Variants in HIF3A observed in about 807,000 individuals in gnomAD.
The protein encoded by HIF3A is hypoxia inducible factor 3 subunit alpha, also known as hypoxia-inducible factor 3-alpha.
HIF3A carries 41 observed loss-of-function variants against 67.2 expected under a neutral mutation model. That is an observed-to-expected ratio of 0.61 (90% confidence interval 0.48 to 0.79). The LOEUF (loss-of-function observed/expected upper bound fraction) is 0.79. Among genes scored for constraint, HIF3A ranks in the 30% least tolerant of loss-of-function variants. HIF3A has a pLI of 0.00. For missense variants in HIF3A, 855 were observed against 898.0 expected (o/e 0.95, Z 0.61); for synonymous variants, 356 against 374.8 (o/e 0.95, Z 0.58).
intron 10 of HIF3A, among the ~76,000 whole-genome samples, chr19:46,324,967 C>CAT (rs1601325142): frequency 7.4e-6 from 1 of 135,066 alleles, no homozygotes; most frequent in African/African-American, 2.9e-5. Flanking sequence ...TACACATACA[C>CAT]ACACACACAC....
intron 1 of HIF3A, among the ~76,000 whole-genome samples, chr19:46,301,047 G>A (rs1232575395): frequency 6.6e-6 from 1 of 152,074 alleles, no homozygotes; most frequent in East Asian, 1.9e-4. Context: ...AAGACAAACA[G>A]GGCTGGAACA....
At position 46,312,167 on chromosome 19, in the gene HIF3A, A is replaced by G; in HGVS notation, c.777A>G (p.Ala259=). ...CACTCCGCCCCACCCCCAGGATTGC[A>G]GAAGTGGCTGGCTATAGTCCCGATG... ...MKFTYCDDRI[A]EVAGYSPDDL... is the part of the protein sequence containing the mutation. The change falls in exon 7 of 15, where the codon GCA becomes GCG. Residue 259 remains alanine (A), a synonymous_variant. Transcript: ENST00000377670. 1.2e-6 allele frequency: 2 copies of G among 1,613,934 alleles called. No individual in the cohort carries two copies. Among genetic ancestry groups the G allele is most frequent in the Non-Finnish European group, 1.7e-6 (2 of 1,179,902 alleles).
chr19:46,304,035 C>T lies in HIF3A; in HGVS notation c.164C>T (p.Ser55Phe). 1.3e-6 allele frequency: 2 copies of T among 1,589,696 alleles called. No homozygotes were observed. Among genetic ancestry groups the T allele is most frequent in the Non-Finnish European group, 1.7e-6 (2 of 1,168,886 alleles). ...RGVSAHLDKASIMRLTISYLR... is the reference protein window; with the variant it reads ...RGVSAHLDKAFIMRLTISYLR... ...GTCAGCGCCCACCTGGACAAGGCCT[C>T]TATCATGCGCCTCACCATCAGCTAC... The change falls in exon 2 of 15, where the codon TCT becomes TTT. Residue 55 changes from serine (S) to phenylalanine (F), a missense_variant. This residue lies in a region of HIF3A where 638 missense variants were observed against 660.5 expected (regional missense o/e 0.97). Coordinates refer to ENST00000377670, the MANE Select transcript of HIF3A (RefSeq NM_152795.4).
chr19:46,320,842 C>G (rs1188876435), intron 9 of HIF3A, among the ~76,000 whole-genome samples: 2 of 152,190 alleles, frequency 1.3e-5, no homozygotes, highest in Non-Finnish European at 2.9e-5. Flanking sequence ...CTCTTGCTGG[C>G]CTCTGCTCTA....
At chr19:46,311,732 A>C (rs1969441433) in intron 6 of HIF3A, among the ~76,000 whole-genome samples, 1 of 152,046 alleles carries the variant, frequency 6.6e-6, no homozygotes, top group South Asian at 2.1e-4. Flanking sequence ...GGCAGGGCAC[A>C]CACCTGTAGT....
Position 46,305,336 on chromosome 19 carries a change from G to A in HIF3A, c.309G>A (p.Glu103=), listed in dbSNP as rs376235617. The change falls in exon 3 of 15, where the codon GAG becomes GAA. Residue 103 remains glutamate, a synonymous_variant. Transcript: ENST00000377670. ...GCTTCGTCATGGTGCTCACCGCCGA[G>A]GGAGACATGGCTTACCTGTCGGAGA... ...LEGFVMVLTA[E]GDMAYLSENV... 1 of 1,614,118 alleles carries A rather than the reference G, an allele frequency of 6.2e-7. No homozygotes were observed. Among genetic ancestry groups the A allele is most frequent in the Non-Finnish European group, 8.5e-7 (1 of 1,180,030 alleles).
chr19:46,342,182 T>A lies in HIF3A; in HGVS notation c.*2560T>A, dbSNP rs2147345373. On this transcript the variant is annotated 3_prime_UTR_variant, in exon 15 of 15. Coordinates refer to ENST00000377670, the MANE Select transcript of HIF3A (RefSeq NM_152795.4). ...TCCGTAAGTTCCCTTGGCTCTAGAC[T>A]TCATCATTTCCAGCTCCTCCTCACT... 6.6e-6 allele frequency: 1 copy of A among 152,296 alleles called. No individual in the cohort carries two copies. The highest frequency in any genetic ancestry group is 2.1e-4 in the South Asian group (1 of 4,828). 9.4% of individuals were successfully genotyped at this position (152,296 alleles called of 1,614,324 possible).
At chr19:46,314,272 G>T (rs1323289156) in intron 8 of HIF3A, among the ~76,000 whole-genome samples, 2 of 146,456 alleles carry the variant, frequency 1.4e-5, no homozygotes, top group African/African-American at 4.9e-5. Context: ...CAGCACTTTG[G>T]GAAGCCAAGG....
intron 3 of HIF3A, among the ~76,000 whole-genome samples, chr19:46,307,882 C>T (rs897592505): frequency 6.6e-6 from 1 of 151,656 alleles, no homozygotes; most frequent in East Asian, 1.9e-4. Flanking sequence ...GTCATGATCG[C>T]GCCACTGCCC....
chr19:46,315,345 G>A (rs1353331200), intron 8 of HIF3A, among the ~76,000 whole-genome samples: 1 of 147,108 alleles, frequency 6.8e-6, no homozygotes, highest in African/African-American at 2.5e-5. Flanking sequence ...GGAATTACAG[G>A]CGTGAGCCAC....
chr19:46,342,543 T>C lies in HIF3A; in HGVS notation c.*2921T>C, dbSNP rs1971968304. On this transcript the variant is annotated 3_prime_UTR_variant, in exon 15 of 15. Coordinates refer to ENST00000377670, the MANE Select transcript of HIF3A (RefSeq NM_152795.4). Reference sequence around the variant, plus strand: ...GAGCCACTGAGCCCAGCCAGGCTTTTTCTAATTCTATGCTTTATTCTATAA... The same window carrying C: ...GAGCCACTGAGCCCAGCCAGGCTTTCTCTAATTCTATGCTTTATTCTATAA... 1 of 152,192 alleles carries C rather than the reference T, an allele frequency of 6.6e-6. No homozygotes were observed. Among genetic ancestry groups the C allele is most frequent in the African/African-American group, 2.4e-5 (1 of 41,454 alleles). The allele number at this position is 152,192 out of a possible 1,614,324, so 9.4% of individuals were successfully genotyped here. A position where few individuals can be genotyped will look rare whatever the true frequency, so the allele number is the denominator to read the frequency against.
intron 8 of HIF3A, among the ~76,000 whole-genome samples, chr19:46,318,518 C>T (rs1219847974): frequency 2.5e-4 from 32 of 126,980 alleles, no homozygotes; most frequent in African/African-American, 9.5e-4. Context: ...CACTGCACTC[C>T]AGCCTGAGCG....
chr19:46,327,504 A>C (rs1173013809), intron 11 of HIF3A, among the ~76,000 whole-genome samples: 3 of 151,906 alleles, frequency 2.0e-5, no homozygotes, highest in Non-Finnish European at 4.4e-5. Context: ...TTTAGTAGAG[A>C]TGTGGTTTCA....
chr19:46,320,712 A>G, intron 9 of HIF3A, 151 bp downstream of exon 9: 1 of 624,226 alleles, frequency 1.6e-6, no homozygotes, highest in South Asian at 2.0e-5. Context: ...ACAGCCTCCT[A>G]AGAGCCCTTG....
chr19:46,311,870 A>C (rs1037194513), intron 6 of HIF3A, among the ~76,000 whole-genome samples: 1 of 152,164 alleles, frequency 6.6e-6, no homozygotes, highest in Non-Finnish European at 1.5e-5. Flanking sequence ...CAAAAAACAA[A>C]CAACAAAACA....
In HIF3A at chr19:46,305,318, C is replaced by T. The variant is rs780434130; in HGVS notation, c.291C>T (p.Val97=). The change falls in exon 3 of 15, where the codon GTC becomes GTT. Residue 97 remains valine (V), a synonymous_variant. Coordinates refer to ENST00000377670, the MANE Select transcript of HIF3A (RefSeq NM_152795.4). ...ACCTGAAGGCCCTGGAGGGCTTCGT[C>T]ATGGTGCTCACCGCCGAGGGAGACA... ...ACYLKALEGF[V]MVLTAEGDMA... 2 of 1,614,120 alleles carry T rather than the reference C, an allele frequency of 1.2e-6. No individual in the cohort carries two copies. Among genetic ancestry groups the T allele is most frequent in the East Asian group, 2.2e-5 (1 of 44,884 alleles).
At chr19:46,318,494 A>G (rs1224393711) in intron 8 of HIF3A, among the ~76,000 whole-genome samples, 1 of 132,186 alleles carries the variant, frequency 7.6e-6, no homozygotes, top group Non-Finnish European at 1.5e-5. Flanking sequence ...GGCTGCAGTG[A>G]GCCGAGATCG....
At chr19:46,310,301 G>A (rs1351054951) in intron 6 of HIF3A, among the ~76,000 whole-genome samples, 1 of 151,574 alleles carries the variant, frequency 6.6e-6, no homozygotes, top group Non-Finnish European at 1.5e-5. Flanking sequence ...AGGCTGAAGT[G>A]GGAGGAATAA....
intron 14 of HIF3A, among the ~76,000 whole-genome samples, chr19:46,337,173 C>T (rs528430303): frequency 2.0e-5 from 3 of 151,992 alleles, no homozygotes; most frequent in East Asian, 1.9e-4. Context: ...TGAGTCCTGA[C>T]GATATCGGGG....
Sources: gnomAD v4.1 joint callset for allele counts (sites outside exome capture counted in the v4.1 genomes callset) on GRCh38, gnomAD v4.1.1 for gene constraint, gnomAD v4.1.1 regional missense constraint, MANE v1.5 for transcripts, NCBI Gene and HGNC (gene_info 2026-07-23, HGNC 2026-07-21) for gene names.